GUCY1A2: variants seen among roughly 807,000 people sequenced by gnomAD.
GUCY1A2 encodes the protein guanylate cyclase soluble subunit alpha-2.
A neutral mutation model predicts 63.5 loss-of-function variants in GUCY1A2; 27 were observed. The ratio of observed to expected loss-of-function variants is 0.43; its 90% CI spans 0.31 to 0.59. The LOEUF is 0.59. GUCY1A2 is among the 20% of genes least tolerant of loss of function. The probability of loss-of-function intolerance (pLI) is 0.11; values close to 1 mark genes in which losing one functional copy is unlikely to be tolerated. For missense variants in GUCY1A2, 768 were observed against 913.3 expected, an observed-to-expected ratio of 0.84 and a Z score of 2.05; for synonymous variants, 364 against 343.5, an observed-to-expected ratio of 1.06 and a Z score of -0.66.
intron 6 of GUCY1A2, among the ~76,000 whole-genome samples, chr11:106,767,686 C>T (rs1195956289): frequency 1.3e-5 from 2 of 152,038 alleles, no homozygotes; most frequent in African/African-American, 4.8e-5. Flanking sequence ...TGATATCTTA[C>T]AGAGGAATTG....
At chr11:106,985,979 T>C (rs575091900) in intron 2 of GUCY1A2, 91 bp downstream of exon 2, 16 of 772,868 alleles carry the variant, frequency 2.1e-5, no homozygotes, top group Middle Eastern at 3.0e-4. Flanking sequence ...CAGGTTGACC[T>C]GGGTAGCAGA....
intron 6 of GUCY1A2, among the ~76,000 whole-genome samples, chr11:106,760,212 C>T (rs6588925): frequency 0.95 from 144,027 of 152,230 alleles, 68,165 homozygotes; most frequent in East Asian, 0.99. Context: ...ATGTCAGGCA[C>T]AGAAAACTAA....
chr11:106,940,202 G>A (rs374158365), intron 3 of GUCY1A2, 24 bp from the exon 4 acceptor site: 21 of 1,036,020 alleles, frequency 2.0e-5, no homozygotes, highest in Non-Finnish European at 4.4e-6. Flanking sequence ...GGAAGCAAAT[G>A]TTAGTGAAGT....
intron 4 of GUCY1A2, among the ~76,000 whole-genome samples, chr11:106,811,338 G>A (rs4754170): frequency 0.91 from 138,416 of 152,024 alleles, 63,083 homozygotes; most frequent in East Asian, 1. Flanking sequence ...AAGGAAGGTG[G>A]AGCTGGGGTA....
chr11:106,742,314 A>G (rs573488552), intron 6 of GUCY1A2, among the ~76,000 whole-genome samples: 3 of 152,236 alleles, frequency 2.0e-5, no homozygotes, highest in East Asian at 1.9e-4. Flanking sequence ...TCTATTAGCT[A>G]TTCTTCCTGA....
chr11:106,753,668 T>C (rs1863922550), intron 6 of GUCY1A2, among the ~76,000 whole-genome samples: 1 of 152,200 alleles, frequency 6.6e-6, no homozygotes, highest in Admixed American at 6.5e-5. Context: ...TGATTTTAGA[T>C]GTGTGGTGTT....
chr11:106,970,607 C>CA (rs940958281), intron 3 of GUCY1A2, among the ~76,000 whole-genome samples: 12 of 152,148 alleles, frequency 7.9e-5, no homozygotes, highest in African/African-American at 2.6e-4. Context: ...GGATGAAGAG[C>CA]AATAGGAAGT....
At chr11:106,749,417 A>C (rs1274245016) in intron 6 of GUCY1A2, among the ~76,000 whole-genome samples, 1 of 152,038 alleles carries the variant, frequency 6.6e-6, no homozygotes, top group Non-Finnish European at 1.5e-5. Flanking sequence ...ACCCCTGCCT[A>C]ACAGAATCCC....
chr11:106,872,916 C>T (rs1277877674), intron 4 of GUCY1A2, among the ~76,000 whole-genome samples: 1 of 152,122 alleles, frequency 6.6e-6, no homozygotes, highest in African/African-American at 2.4e-5. Flanking sequence ...AAGTTCCCTC[C>T]CCTCGCCTCC....
At chr11:107,012,332 G>A (rs1861759000) in intron 1 of GUCY1A2, among the ~76,000 whole-genome samples, 2 of 148,598 alleles carry the variant, frequency 1.3e-5, no homozygotes, top group South Asian at 2.1e-4. Context: ...TGACTAGCAA[G>A]TGAATTATTG....
rs758755207 is a variant in GUCY1A2, at chr11:106,939,891, T to C, written c.775A>G (p.Lys259Glu). The change falls in exon 4 of 8, where the codon AAG (lysine) becomes GAG (glutamate). Residue 259 changes from lysine (K) to glutamate (E), a missense_variant. This residue lies in a region of GUCY1A2 where 496 missense variants were observed against 486.9 expected (regional missense o/e 1.02). Transcript: ENST00000526355. The part of the protein sequence containing the change: ...AMLGMIKAAG[K>E]KIYRLDVEVE... ...TCCACATCCAGCCGATAGATCTTCT[T>C]TCCTGCAGCCTTAATCATCCCCAGC... 1.2e-4 allele frequency: 190 copies of C among 1,614,076 alleles called. No homozygotes were observed. Among genetic ancestry groups the C allele is most frequent in the Non-Finnish European group, 1.5e-4 (181 of 1,180,040 alleles).
chr11:106,862,927 C>T (rs1349711430), intron 4 of GUCY1A2, among the ~76,000 whole-genome samples: 1 of 152,008 alleles, frequency 6.6e-6, no homozygotes, highest in East Asian at 1.9e-4. Context: ...AAATGCTATG[C>T]TTTGTAAACT....
At position 106,919,651 on chromosome 11, in the gene GUCY1A2, A is replaced by T. The variant is rs191081426; in HGVS notation, c.1206+19809T>A. On this transcript the variant is annotated intron_variant, in intron 4 of 7. Transcript: ENST00000526355. ...AAATATCAGTTGAGATCTGAAGGAC[A>T]AAAATTAAGTTAGTGATGCTAAAAA... 5.3e-5 allele frequency among the ~76,000 whole-genome samples: 8 copies of T among 152,262 alleles called. No homozygotes were observed. The East Asian group carries it at 1.5e-3, about 29-fold the overall frequency.
intron 2 of GUCY1A2, among the ~76,000 whole-genome samples, chr11:106,985,238 A>G (rs949614546): frequency 2.6e-5 from 4 of 152,246 alleles, no homozygotes; most frequent in African/African-American, 9.6e-5. Flanking sequence ...AAATCACTGT[A>G]CCATATAAAG....
intron 5 of GUCY1A2, among the ~76,000 whole-genome samples, chr11:106,781,748 T>C (rs1024874644): frequency 9.2e-5 from 14 of 151,646 alleles, no homozygotes; most frequent in African/African-American, 3.2e-4. Flanking sequence ...TTTTAATTTT[T>C]GTAGAGACAG....
At chr11:106,955,272 C>T (rs925826667) in intron 3 of GUCY1A2, among the ~76,000 whole-genome samples, 3 of 152,116 alleles carry the variant, frequency 2.0e-5, no homozygotes, top group African/African-American at 7.2e-5. Flanking sequence ...ATGCCCGGCC[C>T]AGTCTGTCTT....
At chr11:106,799,811 C>T (rs1345025610) in intron 5 of GUCY1A2, among the ~76,000 whole-genome samples, 1 of 152,134 alleles carries the variant, frequency 6.6e-6, no homozygotes, top group Non-Finnish European at 1.5e-5. Context: ...TAGGCAATAC[C>T]ATTCAGGACA....
chr11:106,883,756 A>C (rs1194131518), intron 4 of GUCY1A2, among the ~76,000 whole-genome samples: 1 of 152,140 alleles, frequency 6.6e-6, no homozygotes, highest in African/African-American at 2.4e-5. Flanking sequence ...TAGAAAATAT[A>C]AATTATGTCC....
intron 1 of GUCY1A2, among the ~76,000 whole-genome samples, chr11:107,004,471 C>T (rs1308627774): frequency 6.6e-6 from 1 of 152,026 alleles, no homozygotes; most frequent in Non-Finnish European, 1.5e-5. Context: ...TATTCTCTTT[C>T]TTTTCCAAGC....
Sources: gnomAD v4.1 joint callset for allele counts (sites outside exome capture counted in the v4.1 genomes callset) on GRCh38, gnomAD v4.1.1 for gene constraint, gnomAD v4.1.1 regional missense constraint, MANE v1.5 for transcripts, NCBI Gene and HGNC (gene_info 2026-07-23, HGNC 2026-07-21) for gene names.